The following OTUD6B variants were observed in gnomAD, a reference collection of about 807,000 sequenced individuals.
OTUD6B encodes deubiquitinase OTUD6B.
A neutral mutation model predicts 36.9 loss-of-function variants in OTUD6B; 41 were observed. The observed-to-expected ratio is 1.11, with a 90% CI of 0.87 to 1.44. The LOEUF is 1.44. Among genes scored for constraint, OTUD6B ranks in the 40% most tolerant of loss-of-function variants. OTUD6B has a pLI of 0.00. For synonymous variants in OTUD6B, 114 were observed against 114.2 expected (o/e 1.00, Z 0.01); for missense variants, 356 against 344.8 (o/e 1.03, Z -0.26).
rs1348261526 is a variant in OTUD6B at position 91,071,153 on chromosome 8, T to A, written c.98T>A (p.Met33Lys). ...KKELQAKIQG[M>K]KNAVPKNDKK... ...GGCTTTTCAGCCAAAATTCAGGGCA[T>A]GAAGAATGCTGTTCCCAAGAATGAC... is the stretch of plus-strand genomic sequence containing the variant. The change falls in exon 2 of 7, where the codon ATG becomes AAG. Residue 33 changes from methionine to lysine, a missense_variant. Transcript: ENST00000404789. 3.7e-6 allele frequency: 6 copies of A among 1,612,900 alleles called. No individual in the cohort carries two copies. The highest frequency in any genetic ancestry group is 1.7e-4 in the Middle Eastern group (1 of 6,058).
intron 2 of OTUD6B, 47 bp downstream of exon 2, chr8:91,071,336 C>T (rs1372248437): frequency 4.9e-6 from 7 of 1,429,830 alleles, no homozygotes; most frequent in Non-Finnish European, 6.7e-6. Context: ...TTGAAAACAG[C>T]TGTCCACTTC....
At chr8:91,076,871 A>G (rs1219484701) in intron 3 of OTUD6B, 1 of 635,412 alleles carries the variant, frequency 1.6e-6, no homozygotes, top group Non-Finnish European at 2.8e-6. Flanking sequence ...TATTACTTAT[A>G]CAAACCTTAA....
At chr8:91,072,698 T>C (rs1812723999) in intron 2 of OTUD6B, among the ~76,000 whole-genome samples, 1 of 152,220 alleles carries the variant, frequency 6.6e-6, no homozygotes, top group Non-Finnish European at 1.5e-5. Context: ...AATTGTGTTG[T>C]GACAATTGTG....
At chr8:91,071,045 A>AC (rs1812685371) in intron 1 of OTUD6B, 93 bp from the exon 2 acceptor site, 19 of 1,547,094 alleles carry the variant, frequency 1.2e-5, no homozygotes, top group Non-Finnish European at 1.6e-5. Context: ...CTTTTTCTGT[A>AC]CCCTTCGCCC....
At chr8:91,078,264 AG>A in intron 3 of OTUD6B, 91 bp from the exon 4 acceptor site, 3 of 1,451,712 alleles carry the variant, frequency 2.1e-6, no homozygotes, top group Non-Finnish European at 2.7e-6. Flanking sequence ...AACACCGGAA[AG>A]TTTTGAGACC....
intron 3 of OTUD6B, among the ~76,000 whole-genome samples, chr8:91,077,921 C>T (rs1812831872): frequency 6.6e-6 from 1 of 151,840 alleles, no homozygotes; most frequent in African/African-American, 2.4e-5. Context: ...GGGTGTCTGC[C>T]TGTACCCTTT....
chr8:91,073,831 A>T lies in OTUD6B; in HGVS notation c.235A>T (p.Ile79Leu). 1.3e-6 allele frequency: 2 copies of T among 1,577,174 alleles called. No homozygotes were observed. Among genetic ancestry groups the T allele is most frequent in the Non-Finnish European group, 1.7e-6 (2 of 1,159,306 alleles). ...QLKLTTKENK[I>L]DSVAVNISNL... ...TGTTAATGCTTTTTGTTTCCTTCAG[A>T]TAGATTCTGTTGCTGTTAACATTTC... The change falls in exon 3 of 7, where the codon ATA (isoleucine) becomes TTA (leucine). Residue 79 changes from isoleucine (I) to leucine (L), a missense_variant and splice_region_variant. Physicochemically the swap from Ile to Leu is conservative, Grantham distance 5. Coordinates refer to ENST00000404789, the MANE Select transcript of OTUD6B (RefSeq NM_016023.5).
intron 6 of OTUD6B, 42 bp from the exon 7 acceptor site, chr8:91,084,742 C>T: frequency 7.2e-7 from 1 of 1,380,356 alleles, no homozygotes; most frequent in Non-Finnish European, 9.6e-7. Flanking sequence ...AGAAAAATTG[C>T]TTTCATCAAA....
At chr8:91,081,053 T>A (rs1288820617) in intron 5 of OTUD6B, among the ~76,000 whole-genome samples, 1 of 152,068 alleles carries the variant, frequency 6.6e-6, no homozygotes, top group Non-Finnish European at 1.5e-5. Flanking sequence ...CTTAGGAAAA[T>A]GAAAATTTTA....
In OTUD6B at chr8:91,084,074, A is replaced by G. The variant is rs1288196165; in HGVS notation, c.757A>G (p.Ile253Val). Reference protein sequence around the residue: ...EIIQADSPPIIVGEEYSKKPL... With the variant: ...EIIQADSPPIVVGEEYSKKPL... ...AATACAGGCAGATTCTCCTCCCATT[A>G]TAGTTGGTGAAGAATATTCAAAAAA... Residue 253 changes from isoleucine (I) to valine (V), a missense_variant, in exon 6 of 7, where the codon ATA (isoleucine) becomes GTA (valine). Ile to Val is a conservative substitution (Grantham distance 29). Coordinates refer to ENST00000404789, the MANE Select transcript of OTUD6B (RefSeq NM_016023.5). 2 of 1,573,436 alleles carry G rather than the reference A, an allele frequency of 1.3e-6. No individual in the cohort carries two copies. Among genetic ancestry groups the G allele is most frequent in the Non-Finnish European group, 1.7e-6 (2 of 1,157,772 alleles).
intron 1 of OTUD6B, 67 bp downstream of exon 1, chr8:91,070,533 T>C (rs1430500872): frequency 1.4e-6 from 2 of 1,447,642 alleles, no homozygotes; most frequent in African/African-American, 2.8e-5. Context: ...GGCGGGTCGA[T>C]TCTGGGGAAT....
rs1813024652 is a variant in OTUD6B at position 91,086,781 on chromosome 8, T to C, written c.*1913T>C. 1 of 152,070 alleles carries C rather than the reference T, an allele frequency of 6.6e-6. No individual in the cohort carries two copies. The highest frequency in any genetic ancestry group is 2.4e-5 in the African/African-American group (1 of 41,436). 9.4% of individuals were successfully genotyped at this position (152,070 alleles called of 1,614,324 possible). ...TCTTTCCTAAAACTTCAGATAAATA[T>C]CATTTTAGCTATAACCTAAAAAAGT... On this transcript the variant is annotated 3_prime_UTR_variant, in exon 7 of 7. Coordinates refer to ENST00000404789, the MANE Select transcript of OTUD6B (RefSeq NM_016023.5).
chr8:91,081,387 C>CA (rs778501268), intron 5 of OTUD6B, among the ~76,000 whole-genome samples: 70 of 150,710 alleles, frequency 4.6e-4, no homozygotes, highest in African/African-American at 1.3e-3. Context: ...AACAAACAAA[C>CA]AAAAAAAACA....
intron 3 of OTUD6B, chr8:91,076,342 TG>T (rs1812802766): frequency 2.4e-6 from 1 of 425,280 alleles, no homozygotes; most frequent in Non-Finnish European, 3.1e-6. Context: ...AAGTGCCTAG[TG>T]CTCTTGGGAA....
In OTUD6B at chr8:91,083,974, AT is replaced by A. The variant is rs1563584108; in HGVS notation, c.691-30del. The A allele has an allele frequency of 3.9e-6, 6 of 1,541,328 alleles. No individual in the cohort carries two copies. In the South Asian group the frequency reaches 4.9e-5, roughly 13 times the overall value. The stretch of plus-strand genomic sequence containing the variant: ...ATATTTGAATGTGATTTACATTTTT[AT>A]TTTCCTTACTGATACTTTTTTTCTT... On this transcript the variant is annotated intron_variant, in intron 5 of 6. Transcript: ENST00000404789.
chr8:91,071,051 C>T, intron 1 of OTUD6B, 87 bp from the exon 2 acceptor site: 2 of 1,559,126 alleles, frequency 1.3e-6, no homozygotes, highest in Non-Finnish European at 8.6e-7. Flanking sequence ...CTGTACCCTT[C>T]GCCCGTTACC....
intron 1 of OTUD6B, 47 bp from the exon 2 acceptor site, chr8:91,071,088 TCTC>T (rs1192358184): frequency 6.3e-7 from 1 of 1,594,062 alleles, no homozygotes; most frequent in South Asian, 1.1e-5. Context: ...CTGTTTCTCA[TCTC>T]CTTTTACTCC....
rs768826402 is a variant in OTUD6B, at chr8:91,084,018, T to C, written c.701T>C (p.Leu234Pro). 2 of 1,570,148 alleles carry C rather than the reference T, an allele frequency of 1.3e-6. No individual in the cohort carries two copies. The highest frequency in any genetic ancestry group is 1.2e-5 in the South Asian group (1 of 83,932). ...AWGGQLELRA[L>P]SHILQTPIEI... ...TTTTTCTTCCTATAGCTAAGAGCTCTGTCTCACATTTTACAAACACCAATA... is the reference window on the plus strand; with the variant it reads ...TTTTTCTTCCTATAGCTAAGAGCTCCGTCTCACATTTTACAAACACCAATA... Residue 234 changes from leucine (L) to proline (P), a missense_variant, in exon 6 of 7, where the codon CTG becomes CCG. By Grantham distance (98) the Leu-to-Pro change is moderately conservative (BLOSUM62 -3). Coordinates refer to ENST00000404789, the MANE Select transcript of OTUD6B (RefSeq NM_016023.5).
chr8:91,073,926 T>G lies in OTUD6B; in HGVS notation c.315+15T>G. ...AAAAGAGACGGGTATGAAAGTCATG[T>G]CACCAAGTATATAAGTTAGTGCTGT... On this transcript the variant is annotated intron_variant, in intron 3 of 6. Coordinates refer to ENST00000404789, the MANE Select transcript of OTUD6B (RefSeq NM_016023.5). The G allele has an allele frequency of 6.4e-7, 1 of 1,553,778 alleles. No individual in the cohort carries two copies. The highest frequency in any genetic ancestry group is 8.8e-7 in the Non-Finnish European group (1 of 1,139,012).
Sources: allele counts gnomAD v4.1 joint callset (sites outside exome capture counted in the v4.1 genomes callset), GRCh38; gene constraint gnomAD v4.1.1; transcripts MANE v1.5; gene names NCBI Gene and HGNC (gene_info 2026-07-23, HGNC 2026-07-21).